ZNF385C: variants seen among roughly 807,000 people sequenced by gnomAD.
The protein encoded by ZNF385C is zinc finger protein 385C.
A neutral mutation model predicts 35.4 loss-of-function variants in ZNF385C; 28 were observed. The ratio of observed to expected loss-of-function variants is 0.79; its 90% CI spans 0.59 to 1.08. The LOEUF is 1.08. Among genes scored for constraint, ZNF385C ranks in the 50% least tolerant of loss-of-function variants. The pLI is 0.00. For synonymous variants in ZNF385C, 248 were observed against 248.2 expected (o/e 1.00, Z 0.01); for missense variants, 605 against 595.6 (o/e 1.02, Z -0.16).
intron 2 of ZNF385C, chr17:42,041,081 G>A: frequency 8.1e-7 from 1 of 1,232,394 alleles, no homozygotes; most frequent in Non-Finnish European, 1.0e-6. Context: ...AACAGGGCCA[G>A]GCTGTGTGAC....
rs1382205482 is a variant in ZNF385C at position 42,027,663 on chromosome 17, G to C, written c.1230C>G (p.His410Gln). 1.9e-6 allele frequency: 3 copies of C among 1,610,258 alleles called. No individual in the cohort carries two copies. The highest frequency in any genetic ancestry group is 2.5e-6 in the Non-Finnish European group (3 of 1,178,892). ...GCGCTGCGTGCTTCTGCAGCTTGCTGTGCTGGCTGGAGGGCTTGGGGGTCT... is the reference window on the plus strand; with the variant it reads ...GCGCTGCGTGCTTCTGCAGCTTGCTCTGCTGGCTGGAGGGCTTGGGGGTCT... ...AGKTPKPSSQ[H>Q]SKLQKHAALA... The change falls in exon 8 of 9, where the codon CAC becomes CAG. Residue 410 changes from histidine to glutamine, a missense_variant. By Grantham distance (24) the His-to-Gln change is conservative (BLOSUM62 0). Coordinates refer to ENST00000692273, the MANE Select transcript of ZNF385C (RefSeq NM_001392013.1).
chr17:42,087,134 T>C (rs782283054), intron 1 of ZNF385C, among the ~76,000 whole-genome samples: 18 of 152,324 alleles, frequency 1.2e-4, no homozygotes, highest in Middle Eastern at 3.4e-3. Flanking sequence ...CTTAATACTA[T>C]TAAGCATATA....
At chr17:42,046,910 T>C (rs1205665131) in intron 2 of ZNF385C, among the ~76,000 whole-genome samples, 1 of 151,624 alleles carries the variant, frequency 6.6e-6, no homozygotes, top group East Asian at 1.9e-4. Flanking sequence ...TCACCCAGGC[T>C]AGAGTGCAGT....
chr17:42,072,346 C>T (rs2143901882), intron 1 of ZNF385C, among the ~76,000 whole-genome samples: 1 of 152,284 alleles, frequency 6.6e-6, no homozygotes, highest in East Asian at 1.9e-4. Context: ...CTTGCCATCA[C>T]CCTTGGTGTC....
chr17:42,039,475 T>C (rs1047909557), intron 2 of ZNF385C: 14 of 391,646 alleles, frequency 3.6e-5, no homozygotes, highest in African/African-American at 6.2e-5. Context: ...GTACCCCAGA[T>C]CCTAGCATCT....
intron 1 of ZNF385C, among the ~76,000 whole-genome samples, chr17:42,090,473 T>C (rs1018793075): frequency 6.6e-6 from 1 of 151,440 alleles, no homozygotes; most frequent in Non-Finnish European, 1.5e-5. Context: ...TAATTAGTGA[T>C]GGGTTTTCAC....
At chr17:42,057,501 C>T (rs111828959) in intron 2 of ZNF385C, among the ~76,000 whole-genome samples, 104,687 of 143,538 alleles carry the variant, frequency 0.73, 39,159 homozygotes, top group South Asian at 0.83. Flanking sequence ...GGGGTGTGCG[C>T]GCGCGCGCGC....
chr17:42,037,800 C>T lies in ZNF385C; in HGVS notation c.336G>A (p.Lys112=). 4 of 1,529,848 alleles carry T rather than the reference C, an allele frequency of 2.6e-6. No homozygotes were observed. The highest frequency in any genetic ancestry group is 3.5e-6 in the Non-Finnish European group (4 of 1,137,422). The allele number at this position is 1,529,848 out of a possible 1,614,324, so 94.8% of individuals were successfully genotyped here. Residue 112 remains lysine, a synonymous_variant, in exon 3 of 9, where the codon AAG becomes AAA. Coordinates refer to ENST00000692273, the MANE Select transcript of ZNF385C (RefSeq NM_001392013.1). ...CATTGAAGTGGAAGGCGAGCAAGTG[C>T]TTGAAGTCCAGCGGGGGCTGCAGAG... The part of the protein sequence containing the change: ...TRPLQPPLDF[K]HLLAFHFNGA...
At position 42,067,080 on chromosome 17, in the gene ZNF385C, A is replaced by AG. The variant is rs578076041; in HGVS notation, c.-2-4023_-2-4022insC. 8.8e-4 allele frequency among the ~76,000 whole-genome samples: 133 copies of AG among 150,414 alleles called. 1 individual carries two copies. Among genetic ancestry groups the AG allele is most frequent in the African/African-American group, 3.2e-3 (131 of 40,682 alleles). ...CAAGACTCCGTCTCAGAAAAAAAAA[A>AG]AAGAGAGAGAGACAGGGTCTTGCTC... On this transcript the variant is annotated intron_variant, in intron 1 of 8. Transcript: ENST00000692273.
At chr17:42,027,930 C>G (rs150227256) in intron 7 of ZNF385C, 120 bp downstream of exon 7, 3 of 1,363,472 alleles carry the variant, frequency 2.2e-6, no homozygotes, top group Admixed American at 2.1e-5. Flanking sequence ...CTGCTGGCCT[C>G]GCTTCTCCAG....
At chr17:42,037,609 C>T in intron 3 of ZNF385C, 128 bp downstream of exon 3, 1 of 1,210,644 alleles carries the variant, frequency 8.3e-7, no homozygotes, top group African/African-American at 1.6e-5. Flanking sequence ...CACCTATCCC[C>T]TCTGGGGGAT....
rs1189634490 is a variant in ZNF385C, at chr17:42,026,658, G to A, written c.*239C>T. On this transcript the variant is annotated 3_prime_UTR_variant, in exon 9 of 9. Transcript: ENST00000692273. ...CTGAGATTTTGCATAGATCTTTGGG[G>A]TCTGTCAGGGTGGGAAATGCAGGCA... 3.5e-6 allele frequency: 2 copies of A among 578,584 alleles called. No individual in the cohort carries two copies. Among genetic ancestry groups the A allele is most frequent in the Non-Finnish European group, 6.2e-6 (2 of 323,876 alleles). The allele number at this position is 578,584 out of a possible 1,614,324, so 35.8% of individuals were successfully genotyped here.
Position 42,026,997 on chromosome 17 carries a change from G to A in ZNF385C, c.1412C>T (p.Thr471Ile), listed in dbSNP as rs1160915503. The change falls in exon 9 of 9, where the codon ACT becomes ATT. Residue 471 changes from threonine to isoleucine, a missense_variant. Physicochemically the swap from Thr to Ile is moderately conservative, Grantham distance 89. Coordinates refer to ENST00000692273, the MANE Select transcript of ZNF385C (RefSeq NM_001392013.1). ...CAGGATGGGAGCCGGGAAGAGGGTAGTGGCTGCTGTAGGGGCAGGGCGGAG... is the reference window on the plus strand; with the variant it reads ...CAGGATGGGAGCCGGGAAGAGGGTAATGGCTGCTGTAGGGGCAGGGCGGAG... ...LALRPAPTAA[T>I]TLFPAPILGP... The A allele has an allele frequency of 1.9e-6, 3 of 1,609,964 alleles. No individual in the cohort carries two copies. Among genetic ancestry groups the A allele is most frequent in the African/African-American group, 1.3e-5 (1 of 74,958 alleles).
intron 2 of ZNF385C, among the ~76,000 whole-genome samples, chr17:42,044,152 A>AG (rs2053093259): frequency 6.7e-6 from 1 of 149,098 alleles, no homozygotes; most frequent in Non-Finnish European, 1.5e-5. Context: ...AAAAAAAAAA[A>AG]AAAAAAAAAA....
intron 2 of ZNF385C, among the ~76,000 whole-genome samples, chr17:42,048,632 T>C (rs1259731040): frequency 1.3e-5 from 2 of 152,198 alleles, no homozygotes; most frequent in Non-Finnish European, 2.9e-5. Context: ...CTAGGTGCCC[T>C]GTCCAGAAAC....
At chr17:42,063,287 G>A (rs1034701166) in intron 1 of ZNF385C, among the ~76,000 whole-genome samples, 1 of 152,172 alleles carries the variant, frequency 6.6e-6, no homozygotes, top group African/African-American at 2.4e-5. Flanking sequence ...CCAGCACTTT[G>A]GGAGGCCGAG....
intron 1 of ZNF385C, among the ~76,000 whole-genome samples, chr17:42,074,599 C>T (rs1480228975): frequency 6.6e-6 from 1 of 152,192 alleles, no homozygotes; most frequent in African/African-American, 2.4e-5. Flanking sequence ...CCATGTTGTC[C>T]AGGATGGTCT....
intron 1 of ZNF385C, among the ~76,000 whole-genome samples, chr17:42,072,922 C>A (rs2143904585): frequency 6.6e-6 from 1 of 152,168 alleles, no homozygotes; most frequent in South Asian, 2.1e-4. Context: ...GGGAAGGGGA[C>A]CCCAAACTGG....
intron 1 of ZNF385C, among the ~76,000 whole-genome samples, chr17:42,088,158 CA>C (rs782533296): frequency 1.1e-4 from 17 of 152,186 alleles, no homozygotes; most frequent in Non-Finnish European, 2.5e-4. Flanking sequence ...CTAAATAACA[CA>C]AGTGTAGTCA....
Sources: allele counts gnomAD v4.1 joint callset (sites outside exome capture counted in the v4.1 genomes callset), GRCh38; gene constraint gnomAD v4.1.1; transcripts MANE v1.5; gene names NCBI Gene and HGNC (gene_info 2026-07-23, HGNC 2026-07-21).